Variants in RUNDC3B observed in about 807,000 individuals in gnomAD.
RUNDC3B encodes RUN domain containing 3B, also known as RUN domain-containing protein 3B.
RUNDC3B carries 33 observed loss-of-function variants against 58.4 expected under a neutral mutation model. The ratio of observed to expected loss-of-function variants is 0.56; its 90% CI spans 0.43 to 0.75. The LOEUF is 0.75. Among genes scored for constraint, RUNDC3B ranks in the 30% least tolerant of loss-of-function variants. The pLI is 0.00. For synonymous variants in RUNDC3B, 193 were observed against 195.2 expected (o/e 0.99, Z 0.10); for missense variants, 501 against 535.7 (o/e 0.94, Z 0.64).
intron 1 of RUNDC3B, among the ~76,000 whole-genome samples, chr7:87,645,243 C>A (rs942959718): frequency 6.6e-5 from 10 of 151,982 alleles, no homozygotes; most frequent in Non-Finnish European, 1.3e-4. Flanking sequence ...CCACCACAAC[C>A]AGCTAATTTT....
At chr7:87,691,247 A>C (rs1170931447) in intron 2 of RUNDC3B, among the ~76,000 whole-genome samples, 1 of 152,194 alleles carries the variant, frequency 6.6e-6, no homozygotes, top group Admixed American at 6.5e-5. Context: ...TTTGATATTG[A>C]AAAGTACATA....
intron 3 of RUNDC3B, among the ~76,000 whole-genome samples, chr7:87,701,687 T>C (rs927341415): frequency 2.2e-4 from 33 of 152,212 alleles, no homozygotes; most frequent in African/African-American, 7.0e-4. Context: ...TCTACACTTA[T>C]CTGAAAAGAC....
Position 87,736,855 on chromosome 7 carries a change from CTATATATATATATATATATA to C in RUNDC3B, c.459-2920_459-2901del, listed in dbSNP as rs1554479935. ...TATATGTATGTGTGTATATATATAC[CTATATATATATATATATATA>C]TATATATATATATATTTTTTTTTTT... On this transcript the variant is annotated intron_variant, in intron 4 of 10. Transcript: ENST00000394654. Among the ~76,000 whole-genome samples, 21 of 36,226 alleles carry C rather than the reference CTATATATATATATATATATA, an allele frequency of 5.8e-4. 1 individual carries two copies. The East Asian group carries it at 7.4e-3, about 13-fold the overall frequency. 23.8% of individuals were successfully genotyped at this position (36,226 alleles called of 152,430 possible).
chr7:87,817,632 A>T (rs1264647693), intron 10 of RUNDC3B, among the ~76,000 whole-genome samples: 1 of 152,040 alleles, frequency 6.6e-6, no homozygotes, highest in East Asian at 1.9e-4. Context: ...ATTCTTTTCA[A>T]ATGTCATCTT....
At chr7:87,770,493 T>C (rs1834218083) in intron 6 of RUNDC3B, 88 bp from the exon 7 acceptor site, 1 of 987,784 alleles carries the variant, frequency 1.0e-6, no homozygotes. Context: ...TTTTCGAATT[T>C]GTTCACCGTA....
At chr7:87,760,859 C>T (rs944098849) in intron 6 of RUNDC3B, among the ~76,000 whole-genome samples, 3 of 151,864 alleles carry the variant, frequency 2.0e-5, no homozygotes, top group Non-Finnish European at 4.4e-5. Context: ...CATGTAAGAG[C>T]TAACACAATA....
intron 4 of RUNDC3B, among the ~76,000 whole-genome samples, chr7:87,729,369 CCTT>C (rs1292946859): frequency 6.6e-6 from 1 of 152,200 alleles, no homozygotes; most frequent in Non-Finnish European, 1.5e-5. Context: ...CACCAGCCCT[CCTT>C]CATCCCCCAG....
intron 1 of RUNDC3B, among the ~76,000 whole-genome samples, chr7:87,646,178 G>A (rs909768771): frequency 6.6e-6 from 1 of 152,174 alleles, no homozygotes; most frequent in Non-Finnish European, 1.5e-5. Flanking sequence ...CTGTAGGAAC[G>A]TAACCTATGA....
intron 6 of RUNDC3B, among the ~76,000 whole-genome samples, chr7:87,753,945 T>C (rs920085057): frequency 3.3e-5 from 5 of 152,180 alleles, no homozygotes; most frequent in Admixed American, 2.6e-4. Context: ...GACAGTTATA[T>C]GTATATAAAG....
At chr7:87,673,591 C>T (rs576864739) in intron 2 of RUNDC3B, among the ~76,000 whole-genome samples, 16 of 152,284 alleles carry the variant, frequency 1.1e-4, no homozygotes, top group Middle Eastern at 3.4e-3. Flanking sequence ...AATGGCCCTT[C>T]GATATTTCGG....
chr7:87,756,154 G>A (rs1477444921), intron 6 of RUNDC3B, among the ~76,000 whole-genome samples: 1 of 151,962 alleles, frequency 6.6e-6, no homozygotes, highest in Non-Finnish European at 1.5e-5. Flanking sequence ...TTTGGTATTT[G>A]TAAGTTTTAC....
rs139964117 is a variant in RUNDC3B, at chr7:87,730,582, C to T, written c.459-9209C>T. 5.9e-4 allele frequency among the ~76,000 whole-genome samples: 89 copies of T among 152,016 alleles called. 2 individuals carry two copies. In the East Asian group the frequency reaches 0.016, roughly 27 times the overall value. Reference sequence around the variant, plus strand: ...AGGTAGATTCCCATGCTTCCTTTCACGAGGTTCTGTCTATCAGAAGGCATC... The same window carrying T: ...AGGTAGATTCCCATGCTTCCTTTCATGAGGTTCTGTCTATCAGAAGGCATC... On this transcript the variant is annotated intron_variant, in intron 4 of 10. Transcript: ENST00000394654.
chr7:87,659,288 T>C (rs1419656735), intron 2 of RUNDC3B: 2 of 377,910 alleles, frequency 5.3e-6, no homozygotes, highest in African/African-American at 4.3e-5. Flanking sequence ...CTGTTCTTGG[T>C]TTCTCTGTTT....
intron 2 of RUNDC3B, among the ~76,000 whole-genome samples, chr7:87,699,726 A>G (rs976630359): frequency 3.3e-5 from 5 of 152,226 alleles, no homozygotes; most frequent in African/African-American, 1.2e-4. Flanking sequence ...TAATACTAAT[A>G]TAACCTATGC....
intron 3 of RUNDC3B, among the ~76,000 whole-genome samples, chr7:87,705,742 A>T (rs1829525604): frequency 6.6e-6 from 1 of 152,038 alleles, no homozygotes; most frequent in South Asian, 2.1e-4. Flanking sequence ...TTCTGAACTC[A>T]CCCATCTTCC....
chr7:87,693,120 G>A (rs1046465934), intron 2 of RUNDC3B, among the ~76,000 whole-genome samples: 1 of 152,108 alleles, frequency 6.6e-6, no homozygotes, highest in Admixed American at 6.6e-5. Context: ...TATTTTTTGG[G>A]AATGTTATTT....
Position 87,829,683 on chromosome 7 carries a change from A to AT in RUNDC3B, c.1226-194dup, listed in dbSNP as rs559802327. ...TTTTTGGTTCCATATGAACTGTAGG[A>AT]TTTTTTTTCTAATTCTGTGAAAAAT... On this transcript the variant is annotated intron_variant, in intron 10 of 10. Transcript: ENST00000394654. Among the ~76,000 whole-genome samples the AT allele has an allele frequency of 8.6e-4, 131 of 151,624 alleles. 1 individual carries two copies. Among genetic ancestry groups the AT allele is most frequent in the Admixed American group, 5.0e-3 (76 of 15,174 alleles).
At chr7:87,663,219 G>T (rs1414502475) in intron 2 of RUNDC3B, among the ~76,000 whole-genome samples, 3 of 151,962 alleles carry the variant, frequency 2.0e-5, no homozygotes, top group African/African-American at 4.8e-5. Flanking sequence ...TTTTTAGTTG[G>T]ATGCCCTTTA....
intron 2 of RUNDC3B, among the ~76,000 whole-genome samples, chr7:87,672,553 G>A (rs1453966021): frequency 2.0e-5 from 3 of 152,152 alleles, no homozygotes; most frequent in African/African-American, 7.2e-5. Context: ...TATGTACAGG[G>A]GTCCAGCCTT....
Sources: gnomAD v4.1 joint callset for allele counts (sites outside exome capture counted in the v4.1 genomes callset) on GRCh38, gnomAD v4.1.1 for gene constraint, MANE v1.5 for transcripts, NCBI Gene and HGNC (gene_info 2026-07-23, HGNC 2026-07-21) for gene names.